The following LPXN variants were observed in gnomAD, a reference collection of about 807,000 sequenced individuals.
LPXN encodes the protein leupaxin.
Under a neutral mutation model 45.6 loss-of-function variants are expected in LPXN, and 28 were observed. The observed-to-expected ratio is 0.61, with a 90% CI of 0.45 to 0.84. LPXN has a LOEUF of 0.84. LPXN is among the 40% of genes least tolerant of loss of function. The probability of loss-of-function intolerance (pLI) is 0.00; values close to 1 mark genes in which losing one functional copy is unlikely to be tolerated. For synonymous variants in LPXN, 166 were observed against 169.9 expected, an observed-to-expected ratio of 0.98 and a Z score of 0.18; for missense variants, 459 against 475.0, an observed-to-expected ratio of 0.97 and a Z score of 0.31.
At chr11:58,570,046 G>A (rs560429426) in intron 2 of LPXN, among the ~76,000 whole-genome samples, 1 of 152,232 alleles carries the variant, frequency 6.6e-6, no homozygotes, top group South Asian at 2.1e-4. Flanking sequence ...GCTCATGCCT[G>A]TAATCCCAGC....
intron 2 of LPXN, among the ~76,000 whole-genome samples, chr11:58,564,995 G>C (rs1019052027): frequency 1.3e-5 from 2 of 152,164 alleles, no homozygotes; most frequent in Admixed American, 6.5e-5. Flanking sequence ...AGTGTGGCCT[G>C]AGCAGAGTGA....
In LPXN at chr11:58,531,613, A is replaced by G. The variant is rs529637555; in HGVS notation, c.743-3422T>C. 1.9e-3 allele frequency among the ~76,000 whole-genome samples: 285 copies of G among 152,260 alleles called. 2 individuals are homozygous for G. Among genetic ancestry groups the G allele is most frequent in the African/African-American group, 6.4e-3 (268 of 41,558 alleles). The stretch of plus-strand genomic sequence containing the variant: ...TACCTGAAAGTTATGGGGAGAATGG[A>G]ACCAAGCTGAAAAACACTCTTCAGG... On this transcript the variant is annotated intron_variant, in intron 7 of 8. Coordinates refer to ENST00000395074, the MANE Select transcript of LPXN (RefSeq NM_004811.3).
intron 7 of LPXN, among the ~76,000 whole-genome samples, chr11:58,541,689 G>A (rs2120261045): frequency 6.7e-6 from 1 of 150,208 alleles, no homozygotes; most frequent in South Asian, 2.2e-4. Context: ...CCCATTACTA[G>A]GTATATACCC....
At chr11:58,567,654 G>A (rs1480792257) in intron 2 of LPXN, among the ~76,000 whole-genome samples, 1 of 152,176 alleles carries the variant, frequency 6.6e-6, no homozygotes, top group Non-Finnish European at 1.5e-5. Flanking sequence ...ATTAACTTTG[G>A]AAATAGATGC....
chr11:58,543,547 T>C (rs539382798), intron 7 of LPXN, among the ~76,000 whole-genome samples: 1 of 152,314 alleles, frequency 6.6e-6, no homozygotes, highest in African/African-American at 2.4e-5. Context: ...TGAGATTTTT[T>C]CAGAGCAAAC....
rs188042342 is a variant in LPXN at position 58,544,544 on chromosome 11, G to C, written c.742+5242C>G. Among the ~76,000 whole-genome samples, 3 of 152,248 alleles carry C rather than the reference G, an allele frequency of 2.0e-5. No individual in the cohort carries two copies. The East Asian group carries it at 5.8e-4, about 29-fold the overall frequency. On this transcript the variant is annotated intron_variant, in intron 7 of 8. Coordinates refer to ENST00000395074, the MANE Select transcript of LPXN (RefSeq NM_004811.3). ...GCTGGTTTCGAGAGTGGGATAGCAGGGGAGTAACAGCCTCTGTTTCAACTT... is the reference window on the plus strand; with the variant it reads ...GCTGGTTTCGAGAGTGGGATAGCAGCGGAGTAACAGCCTCTGTTTCAACTT...
intron 7 of LPXN, among the ~76,000 whole-genome samples, chr11:58,537,910 T>C (rs1853599933): frequency 7.1e-6 from 1 of 140,016 alleles, no homozygotes; most frequent in Non-Finnish European, 1.6e-5. Context: ...CTCCTAAAGC[T>C]ATCCCTCCCC....
At chr11:58,533,044 C>T (rs1054745483) in intron 7 of LPXN, among the ~76,000 whole-genome samples, 23 of 152,086 alleles carry the variant, frequency 1.5e-4, no homozygotes, top group Admixed American at 1.4e-3. Context: ...TAACACTCAC[C>T]GTGAAGGTCT....
At chr11:58,572,291 T>G (rs966976412) in intron 1 of LPXN, among the ~76,000 whole-genome samples, 2 of 152,114 alleles carry the variant, frequency 1.3e-5, no homozygotes, top group African/African-American at 4.8e-5. Flanking sequence ...TCTAATCCTT[T>G]TTTTTTTAAC....
chr11:58,570,524 A>T (rs768497581), intron 2 of LPXN, 32 bp downstream of exon 2: 1 of 1,521,522 alleles, frequency 6.6e-7, no homozygotes, highest in Non-Finnish European at 8.9e-7. Context: ...TCAAACATCC[A>T]TGTTTAAGGA....
intron 7 of LPXN, among the ~76,000 whole-genome samples, chr11:58,547,176 C>A (rs1565191907): frequency 2.0e-5 from 3 of 152,122 alleles, no homozygotes; most frequent in Non-Finnish European, 2.9e-5. Flanking sequence ...AATTATAACT[C>A]CACTGGCTGT....
chr11:58,536,732 A>T (rs531727010), intron 7 of LPXN, among the ~76,000 whole-genome samples: 29 of 151,986 alleles, frequency 1.9e-4, no homozygotes, highest in East Asian at 5.8e-4. Flanking sequence ...AATCTACAAA[A>T]TTGGAGAAAA....
chr11:58,552,708 T>C (rs907564308), intron 4 of LPXN, among the ~76,000 whole-genome samples: 1 of 152,236 alleles, frequency 6.6e-6, no homozygotes, highest in Non-Finnish European at 1.5e-5. Flanking sequence ...ATTTTGATCA[T>C]CTGACAGACA....
Position 58,527,045 on chromosome 11 carries a change from G to A in LPXN, c.*409C>T, listed in dbSNP as rs2120155668. On this transcript the variant is annotated 3_prime_UTR_variant, in exon 9 of 9. Coordinates refer to ENST00000395074, the MANE Select transcript of LPXN (RefSeq NM_004811.3). The stretch of plus-strand genomic sequence containing the variant: ...AAGACAGTGAGCCACAGGGAAATGG[G>A]AAAACGTGAAAAGAAACAAGTATCA... 5.9e-6 allele frequency: 1 copy of A among 168,804 alleles called. No homozygotes were observed. The highest frequency in any genetic ancestry group is 1.5e-4 in the East Asian group (1 of 6,540). 10.5% of individuals were successfully genotyped at this position (168,804 alleles called of 1,614,324 possible).
intron 3 of LPXN, among the ~76,000 whole-genome samples, chr11:58,563,055 T>G (rs1319053759): frequency 1.3e-5 from 2 of 152,210 alleles, no homozygotes; most frequent in Non-Finnish European, 2.9e-5. Flanking sequence ...ATAATCACAG[T>G]GCCAGATATA....
upstream of LPXN, chr11:58,577,941 C>T: frequency 6.6e-7 from 1 of 1,509,908 alleles, no homozygotes; most frequent in South Asian, 1.2e-5. Flanking sequence ...TGTGCTAGGG[C>T]TCCGAGGGCC....
At chr11:58,555,672 C>A (rs939870995) in intron 3 of LPXN, among the ~76,000 whole-genome samples, 2 of 151,930 alleles carry the variant, frequency 1.3e-5, no homozygotes, top group Non-Finnish European at 2.9e-5. Flanking sequence ...AAACAAAGCA[C>A]TTCTAAATAA....
At chr11:58,578,461 C>T (rs1382732519), upstream of LPXN, among the ~76,000 whole-genome samples, 1 of 152,204 alleles carries the variant, frequency 6.6e-6, no homozygotes, top group Non-Finnish European at 1.5e-5. Flanking sequence ...TCGTTGCCCC[C>T]ACAACCCCGC....
intron 3 of LPXN, among the ~76,000 whole-genome samples, chr11:58,559,897 T>G (rs1279346879): frequency 6.6e-6 from 1 of 151,928 alleles, no homozygotes; most frequent in African/African-American, 2.4e-5. Flanking sequence ...AGAAAAAAAT[T>G]TACTTCCATT....
Sources: gnomAD v4.1 joint callset for allele counts (sites outside exome capture counted in the v4.1 genomes callset) on GRCh38, gnomAD v4.1.1 for gene constraint, MANE v1.5 for transcripts, NCBI Gene and HGNC (gene_info 2026-07-23, HGNC 2026-07-21) for gene names.